The following C12orf42 variants were observed in gnomAD, a reference collection of about 807,000 sequenced individuals.
C12orf42 encodes the protein uncharacterized protein C12orf42.
A neutral mutation model predicts 21.6 loss-of-function variants in C12orf42; 25 were observed. The observed-to-expected ratio is 1.16, with a 90% CI of 0.84 to 1.62. C12orf42 has a LOEUF of 1.62. C12orf42 is among the 40% of genes most tolerant of loss of function. The pLI, the probability that C12orf42 is intolerant of heterozygous loss-of-function variation, is 0.00. For missense variants in C12orf42, 483 were observed against 459.3 expected, an observed-to-expected ratio of 1.05 and a Z score of -0.47; for synonymous variants, 174 against 175.0, an observed-to-expected ratio of 0.99 and a Z score of 0.05.
chr12:103,095,564 CATTGACCTT>C, the C12orf42 span, among the ~76,000 whole-genome samples: 1 of 152,186 alleles, frequency 6.6e-6, no homozygotes, highest in Non-Finnish European at 1.5e-5. Flanking sequence ...TTTAAAATTG[CATTGACCTT>C]ACCCTTCATT....
At chr12:103,346,515 C>T (rs1246445047) in intron 4 of C12orf42, among the ~76,000 whole-genome samples, 1 of 152,126 alleles carries the variant, frequency 6.6e-6, no homozygotes. Flanking sequence ...TGATGTATAG[C>T]AGAACATTCT....
the C12orf42 span, chr12:103,557,859 C>T: frequency 6.6e-6 from 1 of 152,192 alleles, no homozygotes; most frequent in Non-Finnish European, 1.5e-5. Flanking sequence ...AAAAGCCTAA[C>T]ATAAGCTTTT....
At chr12:103,237,533 A>G (rs1460342126), downstream of C12orf42, 1 of 152,204 alleles carries the variant, frequency 6.6e-6, no homozygotes, top group Non-Finnish European at 1.5e-5. Context: ...TGTTTATCAC[A>G]TAGCAGGTGT....
chr12:103,064,158 T>C, the C12orf42 span, among the ~76,000 whole-genome samples: 1 of 152,156 alleles, frequency 6.6e-6, no homozygotes, highest in Non-Finnish European at 1.5e-5. Flanking sequence ...ATATACCCTT[T>C]ACCAATCCTT....
At chr12:103,183,178 T>G in the C12orf42 span, among the ~76,000 whole-genome samples, 1 of 152,220 alleles carries the variant, frequency 6.6e-6, no homozygotes, top group Non-Finnish European at 1.5e-5. Context: ...GCCACCCAGG[T>G]TCAACAGATT....
intron 2 of C12orf42, among the ~76,000 whole-genome samples, chr12:103,405,153 G>C (rs2048329198): frequency 6.6e-6 from 1 of 152,158 alleles, no homozygotes; most frequent in Non-Finnish European, 1.5e-5. Context: ...AAAAGGAGGA[G>C]GGAATAAGGT....
chr12:103,100,592 C>T, the C12orf42 span, among the ~76,000 whole-genome samples: 1 of 152,166 alleles, frequency 6.6e-6, no homozygotes, highest in South Asian at 2.1e-4. Context: ...ATGCCTTCCC[C>T]TGTTGCTATT....
At chr12:103,163,952 C>G in the C12orf42 span, among the ~76,000 whole-genome samples, 1 of 152,300 alleles carries the variant, frequency 6.6e-6, no homozygotes, top group African/African-American at 2.4e-5. Flanking sequence ...CCAGTCCTTA[C>G]TAATAAGTCA....
chr12:103,420,223 C>G (rs921772151), intron 2 of C12orf42, among the ~76,000 whole-genome samples: 1 of 152,140 alleles, frequency 6.6e-6, no homozygotes, highest in African/African-American at 2.4e-5. Context: ...ACATTTCAAA[C>G]AACTTGGTTT....
At chr12:103,364,768 C>G (rs952087311) in intron 4 of C12orf42, among the ~76,000 whole-genome samples, 3 of 151,956 alleles carry the variant, frequency 2.0e-5, no homozygotes, top group African/African-American at 7.2e-5. Flanking sequence ...ACACAACCCT[C>G]CTAGCTTAAA....
the C12orf42 span, among the ~76,000 whole-genome samples, chr12:103,191,302 A>G: frequency 7.7e-6 from 1 of 129,098 alleles, no homozygotes; most frequent in Non-Finnish European, 1.8e-5. Context: ...AAACAGCAAC[A>G]CAAAAGCTTG....
chr12:103,074,449 A>G, the C12orf42 span, among the ~76,000 whole-genome samples: 1 of 152,160 alleles, frequency 6.6e-6, no homozygotes, highest in Non-Finnish European at 1.5e-5. Context: ...TCAAGGAAGC[A>G]GGTAAGCCTC....
At chr12:103,145,414 T>A in the C12orf42 span, among the ~76,000 whole-genome samples, 1 of 152,288 alleles carries the variant, frequency 6.6e-6, no homozygotes, top group East Asian at 1.9e-4. Flanking sequence ...TTCATCACTT[T>A]GAAAAAGATG....
At chr12:103,468,280 A>T (rs926223452) in intron 2 of C12orf42, among the ~76,000 whole-genome samples, 2 of 152,254 alleles carry the variant, frequency 1.3e-5, no homozygotes, top group African/African-American at 4.8e-5. Context: ...GCTAACATTC[A>T]AAGAGGAATT....
chr12:103,302,275 T>A lies in C12orf42; in HGVS notation c.916A>T (p.Asn306Tyr), dbSNP rs956024532. The change falls in exon 6 of 6, where the codon AAT becomes TAT. Residue 306 changes from asparagine (N) to tyrosine (Y), a missense_variant. Asn to Tyr is a moderately radical substitution (Grantham distance 143). Transcript: ENST00000548883. ...RPQADTSLHG[N>Y]LAGAPLPLLA... is the part of the protein sequence containing the mutation. ...AGAGGAAGGGGCGCTCCTGCCAGAT[T>A]GCCATGGAGGGAGGTGTCCGCCTGA... 6.8e-6 allele frequency: 11 copies of A among 1,612,458 alleles called. No individual in the cohort carries two copies. The highest frequency in any genetic ancestry group is 8.5e-6 in the Non-Finnish European group (10 of 1,178,906).
intron 4 of C12orf42, among the ~76,000 whole-genome samples, chr12:103,359,642 G>A (rs1403029829): frequency 6.6e-6 from 1 of 152,086 alleles, no homozygotes; most frequent in Non-Finnish European, 1.5e-5. Flanking sequence ...GGCTGGGGTA[G>A]AGAAGGGGTG....
At chr12:103,389,439 T>A (rs116085577) in intron 3 of C12orf42, among the ~76,000 whole-genome samples, 4,837 of 152,282 alleles carry the variant, frequency 0.032, 276 homozygotes, top group African/African-American at 0.11. Context: ...TAAATGAATC[T>A]TTTCCTTCTA....
chr12:103,548,753 T>TC, the C12orf42 span: 1 of 152,172 alleles, frequency 6.6e-6, no homozygotes, highest in East Asian at 1.9e-4. Context: ...TGGAAATGAC[T>TC]CCATCTCCGA....
intron 4 of C12orf42, among the ~76,000 whole-genome samples, chr12:103,329,256 T>C (rs910648704): frequency 2.0e-5 from 3 of 152,196 alleles, no homozygotes; most frequent in African/African-American, 7.2e-5. Context: ...AGGGGCCATA[T>C]GTTTCTATGA....
Sources: gnomAD v4.1 joint callset for allele counts (sites outside exome capture counted in the v4.1 genomes callset) on GRCh38, gnomAD v4.1.1 for gene constraint, MANE v1.5 for transcripts, NCBI Gene and HGNC (gene_info 2026-07-23, HGNC 2026-07-21) for gene names.